The following JAKMIP1 variants were observed in gnomAD, a reference collection of about 807,000 sequenced individuals.
JAKMIP1 encodes janus kinase and microtubule-interacting protein 1.
In JAKMIP1, 33 loss-of-function variants were observed where a neutral mutation model predicts 113.0. The ratio of observed to expected loss-of-function variants is 0.29; its 90% CI spans 0.22 to 0.39. JAKMIP1 has a LOEUF of 0.39. Among genes scored for constraint, JAKMIP1 ranks in the 10% least tolerant of loss-of-function variants. JAKMIP1 has a pLI of 1.00. For missense variants in JAKMIP1, 813 were observed against 1,080.5 expected (o/e 0.75, Z 3.47); for synonymous variants, 480 against 459.9 (o/e 1.04, Z -0.56).
chr4:6,196,915 A>T (rs181622787), intron 1 of JAKMIP1, among the ~76,000 whole-genome samples: 1 of 151,646 alleles, frequency 6.6e-6, no homozygotes, highest in East Asian at 1.9e-4. Flanking sequence ...TTCTCATGCC[A>T]TCCCTGTTGG....
intron 8 of JAKMIP1, among the ~76,000 whole-genome samples, chr4:6,066,566 C>T (rs993037424): frequency 2.0e-5 from 3 of 152,156 alleles, no homozygotes; most frequent in African/African-American, 7.2e-5. Context: ...CCCAACACCG[C>T]ACCTCCCGCA....
chr4:6,077,789 C>T (rs993655477), intron 8 of JAKMIP1, among the ~76,000 whole-genome samples: 4 of 152,228 alleles, frequency 2.6e-5, no homozygotes, highest in African/African-American at 7.2e-5. Context: ...CGGTCTTTTT[C>T]GGTGGCTCTA....
intron 3 of JAKMIP1, among the ~76,000 whole-genome samples, chr4:6,101,128 C>T (rs1313801426): frequency 1.3e-5 from 2 of 152,118 alleles, no homozygotes; most frequent in East Asian, 1.9e-4. Context: ...TTACCATGTC[C>T]CAAGATCATG....
In JAKMIP1 at chr4:6,065,559, T is replaced by C. The variant is rs1024141407; in HGVS notation, c.1303-551A>G. On this transcript the variant is annotated intron_variant, in intron 8 of 20. Coordinates refer to ENST00000409021, the MANE Select transcript of JAKMIP1 (RefSeq NM_001099433.2). This position sits in a 1 kb window ranked among gnomAD's most constrained non-coding sequence, Gnocchi z 5.1. ...CATAGTCCTAGTACTCTGACTAGTG[T>C]GGCAAATGTGTGGCCCAAGTCCTGG... Among the ~76,000 whole-genome samples the C allele has an allele frequency of 1.2e-4, 19 of 152,198 alleles. No homozygotes were observed. Among genetic ancestry groups the C allele is most frequent in the Admixed American group, 1.2e-3 (19 of 15,286 alleles).
chr4:6,191,300 C>T (rs1046018943), intron 1 of JAKMIP1, among the ~76,000 whole-genome samples: 1 of 152,222 alleles, frequency 6.6e-6, no homozygotes, highest in African/African-American at 2.4e-5. Context: ...AGAGACACAG[C>T]TCCCACCGCC....
rs1036682953 is a variant in JAKMIP1 at position 6,031,087 on chromosome 4, G to A, written c.2380-1306C>T. 6.6e-6 allele frequency among the ~76,000 whole-genome samples: 1 copy of A among 152,172 alleles called. No homozygotes were observed. The highest frequency in any genetic ancestry group is 1.5e-5 in the Non-Finnish European group (1 of 68,042). ...TAGTTCAATTACCGTTCAGACAATA[G>A]CAGCATACACATAAATAGAAGGGGC... On this transcript the variant is annotated intron_variant, in intron 19 of 20. Coordinates refer to ENST00000409021, the MANE Select transcript of JAKMIP1 (RefSeq NM_001099433.2). The surrounding 1 kb of genome is among the most constrained non-coding windows in gnomAD (Gnocchi z 4.4).
At chr4:6,101,158 T>C (rs1390479173) in intron 3 of JAKMIP1, among the ~76,000 whole-genome samples, 2 of 152,232 alleles carry the variant, frequency 1.3e-5, no homozygotes, top group Non-Finnish European at 2.9e-5. Flanking sequence ...TGTTTTCTAC[T>C]AGTAGCTATA....
Position 6,141,587 on chromosome 4 carries a change from C to G in JAKMIP1, c.-147-28590G>C, listed in dbSNP as rs149663807. ...TAAATAATTTTATGGGCAACAGCACCTATGCCCCAGGGCCTGGCCTGTGAA... is the reference window on the plus strand; with the variant it reads ...TAAATAATTTTATGGGCAACAGCACGTATGCCCCAGGGCCTGGCCTGTGAA... On this transcript the variant is annotated intron_variant, in intron 1 of 20. Transcript: ENST00000409021. The surrounding 1 kb of genome is among the most constrained non-coding windows in gnomAD (Gnocchi z 9.4). 9.9e-3 allele frequency among the ~76,000 whole-genome samples: 1,503 copies of G among 152,338 alleles called. 21 individuals carry two copies. Among genetic ancestry groups the G allele is most frequent in the African/African-American group, 0.033 (1,392 of 41,560 alleles).
chr4:6,088,307 A>G lies in JAKMIP1; in HGVS notation c.625-2678T>C, dbSNP rs1721584890. ...CAATAACAACATCAAAGCAAAGGAAATCGGTAGGGGCAGTGGAGGGTGTTG... is the reference window on the plus strand; with the variant it reads ...CAATAACAACATCAAAGCAAAGGAAGTCGGTAGGGGCAGTGGAGGGTGTTG... On this transcript the variant is annotated intron_variant, in intron 3 of 20. Transcript: ENST00000409021. The surrounding 1 kb of genome is among the most constrained non-coding windows in gnomAD (Gnocchi z 5.5). Among the ~76,000 whole-genome samples the G allele has an allele frequency of 6.6e-6, 1 of 152,214 alleles. No homozygotes were observed. The highest frequency in any genetic ancestry group is 1.5e-5 in the Non-Finnish European group (1 of 68,030).
chr4:6,065,206 T>C lies in JAKMIP1; in HGVS notation c.1303-198A>G, dbSNP rs1028641064. On this transcript the variant is annotated intron_variant, in intron 8 of 20. Coordinates refer to ENST00000409021, the MANE Select transcript of JAKMIP1 (RefSeq NM_001099433.2). The surrounding 1 kb of genome is among the most constrained non-coding windows in gnomAD (Gnocchi z 5.1). ...CAGCAGGTGGCGGATGACCCTAGGG[T>C]TTACAGCCTGAGCGAGCTAGTCTGG... Among the ~76,000 whole-genome samples the C allele has an allele frequency of 6.6e-6, 1 of 152,036 alleles. No individual in the cohort carries two copies. The highest frequency in any genetic ancestry group is 1.5e-5 in the Non-Finnish European group (1 of 68,008).
At chr4:6,190,205 G>A (rs1047721392) in intron 1 of JAKMIP1, among the ~76,000 whole-genome samples, 1 of 152,146 alleles carries the variant, frequency 6.6e-6, no homozygotes, top group East Asian at 1.9e-4. Flanking sequence ...CAGGCCATGG[G>A]GGGGGCTGCA....
rs957740772 is a variant in JAKMIP1, at chr4:6,040,805, T to G, written c.2098-89A>C. 3.0e-6 allele frequency: 3 copies of G among 992,958 alleles called. No individual in the cohort carries two copies. The highest frequency in any genetic ancestry group is 4.7e-6 in the Non-Finnish European group (3 of 639,192). The allele number at this position is 992,958 out of a possible 1,614,324, so 61.5% of individuals were successfully genotyped here. Reference sequence around the variant, plus strand: ...GCCCGTTTGCTAGAGAGTGGCAGTCTCACCGAATTGGGGGCACTCAGATGA... The same window carrying G: ...GCCCGTTTGCTAGAGAGTGGCAGTCGCACCGAATTGGGGGCACTCAGATGA... On this transcript the variant is annotated intron_variant, in intron 17 of 20. Transcript: ENST00000409021. This position sits in a 1 kb window ranked among gnomAD's most constrained non-coding sequence, Gnocchi z 5.8.
In JAKMIP1 at chr4:6,143,713, G is replaced by A. The variant is rs1344071454; in HGVS notation, c.-147-30716C>T. Among the ~76,000 whole-genome samples the A allele has an allele frequency of 1.3e-5, 2 of 152,200 alleles. No homozygotes were observed. The highest frequency in any genetic ancestry group is 6.5e-5 in the Admixed American group (1 of 15,284). ...AACAGTAACCTACTGAACAGAACGT[G>A]GGGGTGGACTCAGCAGTGTGGGTTT... On this transcript the variant is annotated intron_variant, in intron 1 of 20. Transcript: ENST00000409021. The surrounding 1 kb of genome is among the most constrained non-coding windows in gnomAD (Gnocchi z 4.9).
rs922933663 is a variant in JAKMIP1, at chr4:6,076,500, T to C, written c.1302+2439A>G. 1.3e-5 allele frequency among the ~76,000 whole-genome samples: 2 copies of C among 152,138 alleles called. No individual in the cohort carries two copies. Among genetic ancestry groups the C allele is most frequent in the African/African-American group, 4.8e-5 (2 of 41,426 alleles). ...TCAATGAGATTGTTTAAATACCCAC[T>C]CATCTGAGAATCCAGGACCTAGCAA... On this transcript the variant is annotated intron_variant, in intron 8 of 20. Transcript: ENST00000409021. This position sits in a 1 kb window ranked among gnomAD's most constrained non-coding sequence, Gnocchi z 4.8.
rs553297209 is a variant in JAKMIP1, at chr4:6,116,624, A to G, written c.-147-3627T>C. 6.6e-6 allele frequency among the ~76,000 whole-genome samples: 1 copy of G among 152,312 alleles called. No homozygotes were observed. Among genetic ancestry groups the G allele is most frequent in the East Asian group, 1.9e-4 (1 of 5,186 alleles). ...TATCTCTGCAGCCCACCCATCTCTG[A>G]CATCACATGTCCCCTGTCCCAGCCT... On this transcript the variant is annotated intron_variant, in intron 1 of 20. Coordinates refer to ENST00000409021, the MANE Select transcript of JAKMIP1 (RefSeq NM_001099433.2). This position sits in a 1 kb window ranked among gnomAD's most constrained non-coding sequence, Gnocchi z 5.1.
At chr4:6,161,471 C>A (rs1722949598) in intron 1 of JAKMIP1, among the ~76,000 whole-genome samples, 1 of 152,128 alleles carries the variant, frequency 6.6e-6, no homozygotes. Context: ...CCACACCCGC[C>A]TGAACGGGGA....
rs4689358 is a variant in JAKMIP1, at chr4:6,200,509, G to A, written c.-404C>T. ...GAGAGGCCGCGGCACTGGTGGCCGC[G>A]ATCCGGGCAGGCGGCCGGCGCGTGC... On this transcript the variant is annotated 5_prime_UTR_variant, in exon 1 of 21. Coordinates refer to ENST00000409021, the MANE Select transcript of JAKMIP1 (RefSeq NM_001099433.2). This position sits in a 1 kb window ranked among gnomAD's most constrained non-coding sequence, Gnocchi z 7.0. The A allele has an allele frequency of 0.024, 3,696 of 150,964 alleles. 84 individuals carry two copies. Among genetic ancestry groups the A allele is most frequent in the Admixed American group, 0.072 (1,098 of 15,172 alleles). 9.4% of individuals were successfully genotyped at this position (150,964 alleles called of 1,614,324 possible). A position where few individuals can be genotyped will look rare whatever the true frequency, so the allele number is the denominator to read the frequency against.
rs201013945 is a variant in JAKMIP1, at chr4:6,064,989, A to T, written c.1322T>A (p.Phe441Tyr). ...CACAGACTCCTCATCAAATCCAAAA[A>T]ATGTCTCCACAACATGCTTCTGTAA... is the stretch of plus-strand genomic sequence containing the variant. ...KPPKKHVVET[F>Y]FGFDEESVDS... The change falls in exon 9 of 21, where the codon TTT becomes TAT. Residue 441 changes from phenylalanine (F) to tyrosine (Y), a missense_variant. Transcript: ENST00000409021. The surrounding 1 kb of genome is among the most constrained non-coding windows in gnomAD (Gnocchi z 4.3). The T allele has an allele frequency of 9.3e-6, 15 of 1,614,148 alleles. No homozygotes were observed. The highest frequency in any genetic ancestry group is 1.3e-5 in the Non-Finnish European group (15 of 1,180,044).
In JAKMIP1 at chr4:6,051,217, T is replaced by G. The variant is rs1411514895; in HGVS notation, c.1807-538A>C. Among the ~76,000 whole-genome samples, 1 of 144,538 alleles carries G rather than the reference T, an allele frequency of 6.9e-6. No individual in the cohort carries two copies. The highest frequency in any genetic ancestry group is 1.5e-5 in the Non-Finnish European group (1 of 67,160). The allele number at this position is 144,538 out of a possible 152,430, so 94.8% of individuals were successfully genotyped here. On this transcript the variant is annotated intron_variant, in intron 13 of 20. Coordinates refer to ENST00000409021, the MANE Select transcript of JAKMIP1 (RefSeq NM_001099433.2). This position sits in a 1 kb window ranked among gnomAD's most constrained non-coding sequence, Gnocchi z 5.0. ...CCCAAAGGCTGACTTTCTTTCTTTT[T>G]CTTTCCTTTTTTTTTTTTTTTTGAG...
Sources: allele counts gnomAD v4.1 joint callset (sites outside exome capture counted in the v4.1 genomes callset), GRCh38; gene constraint gnomAD v4.1.1; non-coding constraint Gnocchi (gnomAD v3.1); transcripts MANE v1.5; gene names NCBI Gene and HGNC (gene_info 2026-07-23, HGNC 2026-07-21).